BBS9: variants seen among roughly 807,000 people sequenced by gnomAD.
BBS9 encodes the protein Bardet-Biedl syndrome 9.
Under a neutral mutation model 117.7 loss-of-function variants are expected in BBS9, and 89 were observed. That is an observed-to-expected ratio of 0.76 (90% confidence interval 0.64 to 0.90). The LOEUF is 0.90. Ranked by LOEUF, BBS9 falls within the 40% of genes least tolerant of loss-of-function variation. The pLI is 0.00. For missense variants in BBS9, 982 were observed against 1,042.2 expected (o/e 0.94, Z 0.80); for synonymous variants, 379 against 370.9 (o/e 1.02, Z -0.25).
chr7:33,525,946 G>A (rs1849422152), intron 20 of BBS9, among the ~76,000 whole-genome samples: 3 of 151,250 alleles, frequency 2.0e-5, no homozygotes, highest in Admixed American at 2.0e-4. Flanking sequence ...CAGGCCTGGT[G>A]GTGACAAAAT....
intron 9 of BBS9, among the ~76,000 whole-genome samples, chr7:33,284,915 A>T (rs570732349): frequency 1.5e-4 from 23 of 152,196 alleles, no homozygotes; most frequent in African/African-American, 4.8e-4. Context: ...GCTACTCTTA[A>T]CCAGTGTAGT....
At chr7:33,418,473 AC>A (rs1004907243) in intron 19 of BBS9, among the ~76,000 whole-genome samples, 5 of 152,046 alleles carry the variant, frequency 3.3e-5, no homozygotes, top group Non-Finnish European at 7.4e-5. Flanking sequence ...TTTTTTGCCA[AC>A]CTTTGGGGCT....
chr7:33,457,114 C>T (rs185414465), intron 19 of BBS9, among the ~76,000 whole-genome samples: 1 of 152,268 alleles, frequency 6.6e-6, no homozygotes, highest in Non-Finnish European at 1.5e-5. Context: ...TTAGGGTTTA[C>T]CCTTTTGCCC....
At chr7:33,265,932 A>C (rs948799464) in intron 7 of BBS9, among the ~76,000 whole-genome samples, 1 of 152,084 alleles carries the variant, frequency 6.6e-6, no homozygotes, top group African/African-American at 2.4e-5. Flanking sequence ...ACATAGCAAA[A>C]TGTCTGGATG....
intron 17 of BBS9, among the ~76,000 whole-genome samples, chr7:33,374,665 G>A (rs987373071): frequency 6.6e-6 from 1 of 152,114 alleles, no homozygotes; most frequent in African/African-American, 2.4e-5. Flanking sequence ...ACTTTGGGAG[G>A]TCGAGGTGGG....
intron 7 of BBS9, among the ~76,000 whole-genome samples, chr7:33,269,547 T>A (rs2128337573): frequency 6.6e-6 from 1 of 152,046 alleles, no homozygotes; most frequent in South Asian, 2.1e-4. Flanking sequence ...AAGCTTGAGA[T>A]CTCCCCAGAG....
chr7:33,263,232 T>C (rs1798261540), intron 6 of BBS9, among the ~76,000 whole-genome samples: 1 of 152,166 alleles, frequency 6.6e-6, no homozygotes, highest in Non-Finnish European at 1.5e-5. Context: ...TTATTCTTGA[T>C]TGAGATAGGA....
intron 19 of BBS9, among the ~76,000 whole-genome samples, chr7:33,424,604 A>T (rs1334134924): frequency 6.6e-6 from 1 of 152,230 alleles, no homozygotes; most frequent in Non-Finnish European, 1.5e-5. Flanking sequence ...TACCAGAAAC[A>T]GGTATTTAAA....
intron 4 of BBS9, among the ~76,000 whole-genome samples, chr7:33,175,195 T>C (rs988220092): frequency 2.0e-5 from 3 of 151,910 alleles, no homozygotes; most frequent in African/African-American, 7.3e-5. Flanking sequence ...TCCCAGCTAC[T>C]CAGGAGGCTG....
At chr7:33,145,307 G>C (rs1792163491) in intron 1 of BBS9, among the ~76,000 whole-genome samples, 1 of 152,194 alleles carries the variant, frequency 6.6e-6, no homozygotes, top group Non-Finnish European at 1.5e-5. Flanking sequence ...CCCAGGGCAT[G>C]TGATGCTGTG....
At chr7:33,398,551 G>T (rs1352554007) in intron 19 of BBS9, among the ~76,000 whole-genome samples, 1 of 152,120 alleles carries the variant, frequency 6.6e-6, no homozygotes, top group Non-Finnish European at 1.5e-5. Flanking sequence ...TCTCCAAAGA[G>T]TGTTTGTTAT....
At chr7:33,176,985 G>A (rs1220226404) in intron 4 of BBS9, among the ~76,000 whole-genome samples, 3 of 152,158 alleles carry the variant, frequency 2.0e-5, no homozygotes, top group African/African-American at 4.8e-5. Context: ...CTTGTTGAGG[G>A]AAGCTTAGAA....
intron 9 of BBS9, among the ~76,000 whole-genome samples, chr7:33,299,634 GTTTAA>G (rs1805975022): frequency 6.8e-6 from 1 of 147,746 alleles, no homozygotes; most frequent in African/African-American, 2.5e-5. Context: ...TATAATACTA[GTTTAA>G]TATTTACTAA....
intron 21 of BBS9, among the ~76,000 whole-genome samples, chr7:33,572,377 A>G (rs1313943976): frequency 2.6e-5 from 4 of 152,180 alleles, no homozygotes; most frequent in Non-Finnish European, 5.9e-5. Context: ...TATCTTGCCT[A>G]GTGTGAATAG....
rs199996430 is a variant in BBS9, at chr7:33,190,623, C to T, written c.442+13032C>T. On this transcript the variant is annotated intron_variant, in intron 5 of 22. Coordinates refer to ENST00000242067, the MANE Select transcript of BBS9 (RefSeq NM_198428.3). ...TCCATTTCCTGGGATAGGCTATTTCCTTCTGGTTACATGATGGCTATAGCA... is the reference window on the plus strand; with the variant it reads ...TCCATTTCCTGGGATAGGCTATTTCTTTCTGGTTACATGATGGCTATAGCA... Among the ~76,000 whole-genome samples the T allele has an allele frequency of 3.9e-5, 6 of 152,084 alleles. No homozygotes were observed. The East Asian group carries it at 1.2e-3, about 29-fold the overall frequency.
intron 5 of BBS9, among the ~76,000 whole-genome samples, chr7:33,213,457 C>T (rs1284879712): frequency 2.0e-5 from 3 of 152,224 alleles, no homozygotes; most frequent in Non-Finnish European, 4.4e-5. Flanking sequence ...ACCCCAGGAG[C>T]CTGCTTGTTG....
chr7:33,306,814 A>C (rs1259607157), intron 9 of BBS9, among the ~76,000 whole-genome samples: 1 of 152,164 alleles, frequency 6.6e-6, no homozygotes, highest in Non-Finnish European at 1.5e-5. Flanking sequence ...AATTTGTTTC[A>C]TATTTTAAGC....
chr7:33,587,196 C>T (rs756795647), intron 21 of BBS9, among the ~76,000 whole-genome samples: 6 of 152,100 alleles, frequency 3.9e-5, no homozygotes, highest in African/African-American at 7.2e-5. Context: ...CTGGCCACCA[C>T]CCTGTCATCC....
chr7:33,451,656 T>G (rs533966141), intron 19 of BBS9, among the ~76,000 whole-genome samples: 1 of 152,332 alleles, frequency 6.6e-6, no homozygotes, highest in Non-Finnish European at 1.5e-5. Flanking sequence ...TCTGTCTCAC[T>G]GTTTTTGTTC....
Sources: allele counts gnomAD v4.1 joint callset (sites outside exome capture counted in the v4.1 genomes callset), GRCh38; gene constraint gnomAD v4.1.1; transcripts MANE v1.5; gene names NCBI Gene and HGNC (gene_info 2026-07-23, HGNC 2026-07-21).